Variants in ATG7 observed in about 807,000 individuals in gnomAD.
ATG7 encodes autophagy related 7.
In ATG7, 70 loss-of-function variants were observed where a neutral mutation model predicts 82.4. That is an observed-to-expected ratio of 0.85 (90% CI 0.70 to 1.04). The LOEUF (loss-of-function observed/expected upper bound fraction) is 1.04. ATG7 is among the 50% of genes least tolerant of loss of function. The pLI is 0.00. For missense variants in ATG7, 792 were observed against 864.3 expected (o/e 0.92, Z 1.05); for synonymous variants, 287 against 313.0 (o/e 0.92, Z 0.88).
intron 19 of ATG7, among the ~76,000 whole-genome samples, chr3:11,423,262 A>G (rs1049127451): frequency 1.3e-5 from 2 of 152,192 alleles, no homozygotes; most frequent in South Asian, 4.1e-4. Flanking sequence ...GCCATCTTAT[A>G]TAGGTACAGT....
intron 1 of ATG7, among the ~76,000 whole-genome samples, chr3:11,280,749 A>G (rs916816166): frequency 6.6e-6 from 1 of 152,188 alleles, no homozygotes; most frequent in Non-Finnish European, 1.5e-5. Context: ...ACTTTATTGA[A>G]TATGTTTATT....
In ATG7 at chr3:11,422,740, CTTTTTTTTTTTTTTTTT is replaced by C. The variant is rs557755646; in HGVS notation, c.1957-4051_1957-4035del. Among the ~76,000 whole-genome samples, 48 of 49,556 alleles carry C rather than the reference CTTTTTTTTTTTTTTTTT, an allele frequency of 9.7e-4. 3 individuals carry two copies. Among genetic ancestry groups the C allele is most frequent in the African/African-American group, 6.1e-4 (6 of 9,874 alleles). 32.5% of individuals were successfully genotyped at this position (49,556 alleles called of 152,430 possible). On this transcript the variant is annotated intron_variant, in intron 19 of 20. Coordinates refer to ENST00000693202, the MANE Select transcript of ATG7 (RefSeq NM_001349232.2). ...CCTCACTATGCTTAATCATTTCTAG[CTTTTTTTTTTTTTTTTT>C]TTTTTTTTTTTTGGAGACAGAGTCT...
intron 20 of ATG7, among the ~76,000 whole-genome samples, chr3:11,498,830 C>G (rs2091079170): frequency 6.6e-6 from 1 of 152,210 alleles, no homozygotes; most frequent in Non-Finnish European, 1.5e-5. Context: ...AACTGTGCTC[C>G]TTCTCTCTGA....
At chr3:11,316,854 A>C (rs1017414575) in intron 9 of ATG7, among the ~76,000 whole-genome samples, 1 of 152,234 alleles carries the variant, frequency 6.6e-6, no homozygotes, top group Non-Finnish European at 1.5e-5. Context: ...CTCCATAGCC[A>C]TGTGAATATA....
At chr3:11,558,456 CCCCCA>C (rs1006034461), downstream of ATG7, 16 of 940,390 alleles carry the variant, frequency 1.7e-5, no homozygotes, top group Admixed American at 3.5e-4. Flanking sequence ...CCTTCCCTTC[CCCCCA>C]CCCCACCCCC....
At chr3:11,531,568 C>T (rs753696012) in intron 20 of ATG7, among the ~76,000 whole-genome samples, 15 of 152,214 alleles carry the variant, frequency 9.9e-5, no homozygotes, top group Non-Finnish European at 1.8e-4. Flanking sequence ...TCTACCCTGA[C>T]AACATACCAT....
At chr3:11,430,614 AAT>A (rs1196681391) in intron 20 of ATG7, among the ~76,000 whole-genome samples, 1 of 152,216 alleles carries the variant, frequency 6.6e-6, no homozygotes, top group African/African-American at 2.4e-5. Context: ...GTGTTTAAAA[AAT>A]ATACTGAACA....
chr3:11,298,918 T>C, intron 4 of ATG7, 63 bp downstream of exon 4: 3 of 1,558,526 alleles, frequency 1.9e-6, no homozygotes, highest in East Asian at 2.3e-5. Context: ...TCCAGTATAG[T>C]GTCAGCTTTC....
intron 20 of ATG7, among the ~76,000 whole-genome samples, chr3:11,540,475 T>TAAAAAAA: frequency 6.6e-6 from 1 of 151,620 alleles, no homozygotes; most frequent in South Asian, 2.1e-4. Context: ...CCTATCTCTA[T>TAAAAAAA]AAAAAATAAA....
At chr3:11,487,457 CG>C (rs1261384676) in intron 20 of ATG7, among the ~76,000 whole-genome samples, 2 of 66,222 alleles carry the variant, frequency 3.0e-5, no homozygotes, top group Non-Finnish European at 6.7e-5. Context: ...GCTGGCCGGG[CG>C]GGGGGCTGAC....
intron 19 of ATG7, among the ~76,000 whole-genome samples, chr3:11,383,531 G>A (rs536385302): frequency 1.3e-5 from 2 of 151,968 alleles, no homozygotes; most frequent in South Asian, 4.2e-4. Flanking sequence ...TGCAACCTCC[G>A]CCTGCCTCCC....
intron 20 of ATG7, among the ~76,000 whole-genome samples, chr3:11,432,603 T>TA: frequency 6.6e-6 from 1 of 152,116 alleles, no homozygotes; most frequent in South Asian, 2.1e-4. Context: ...ACTAAAGAAC[T>TA]TATCTACATA....
At chr3:11,378,320 T>G (rs1052872991) in intron 18 of ATG7, among the ~76,000 whole-genome samples, 2 of 150,274 alleles carry the variant, frequency 1.3e-5, no homozygotes, top group African/African-American at 2.5e-5. Flanking sequence ...CCCTGCCAAA[T>G]TTTTAAAATG....
chr3:11,405,250 T>C (rs554758459), intron 19 of ATG7, among the ~76,000 whole-genome samples: 90 of 152,316 alleles, frequency 5.9e-4, no homozygotes, highest in South Asian at 3.5e-3. Context: ...TGAAGATTTA[T>C]AGAAGCTCTG....
chr3:11,336,464 G>A (rs1344527858), intron 11 of ATG7, among the ~76,000 whole-genome samples: 6 of 152,064 alleles, frequency 3.9e-5, no homozygotes, highest in African/African-American at 1.4e-4. Flanking sequence ...CTTAGGAAAG[G>A]CAAATGAATT....
intron 19 of ATG7, among the ~76,000 whole-genome samples, chr3:11,406,304 C>T (rs1033083636): frequency 1.3e-4 from 19 of 151,932 alleles, no homozygotes; most frequent in Non-Finnish European, 2.6e-4. Context: ...TGTAGCATTT[C>T]TATTGCCATG....
At chr3:11,573,331 G>A in the ATG7 span, among the ~76,000 whole-genome samples, 1 of 50,032 alleles carries the variant, frequency 2.0e-5, no homozygotes, top group Non-Finnish European at 4.3e-5. Flanking sequence ...AAGAAAGAAA[G>A]AAAGAAAGAA....
At chr3:11,370,412 T>C (rs2076916679) in intron 18 of ATG7, among the ~76,000 whole-genome samples, 1 of 151,196 alleles carries the variant, frequency 6.6e-6, no homozygotes, top group African/African-American at 2.4e-5. Context: ...TCTGGTGTGC[T>C]TAGGGTTTTG....
intron 19 of ATG7, 151 bp from the exon 20 acceptor site, chr3:11,426,653 C>T (rs751072307): frequency 1.4e-5 from 8 of 581,218 alleles, no homozygotes; most frequent in Non-Finnish European, 5.4e-6. Flanking sequence ...CTAAGCCGTA[C>T]TAGTTTTTTG....
Sources: allele counts gnomAD v4.1 joint callset (sites outside exome capture counted in the v4.1 genomes callset), GRCh38; gene constraint gnomAD v4.1.1; transcripts MANE v1.5; gene names NCBI Gene and HGNC (gene_info 2026-07-23, HGNC 2026-07-21).